The following DIP2C variants were observed in gnomAD, a reference collection of about 807,000 sequenced individuals.
The protein encoded by DIP2C is disco-interacting protein 2 homolog C.
DIP2C carries 33 observed loss-of-function variants against 192.4 expected under a neutral mutation model. The observed-to-expected ratio is 0.17, with a 90% CI of 0.13 to 0.23. DIP2C has a LOEUF of 0.23. Ranked by LOEUF, DIP2C falls within the 10% of genes least tolerant of loss-of-function variation. The probability of loss-of-function intolerance (pLI) is 1.00; values close to 1 mark genes in which losing one functional copy is unlikely to be tolerated. For missense variants in DIP2C, 1,537 were observed against 2,110.1 expected (o/e 0.73, Z 5.32); for synonymous variants, 979 against 864.1 (o/e 1.13, Z -2.33).
At chr10:624,902 G>A (rs1854099765) in intron 1 of DIP2C, among the ~76,000 whole-genome samples, 1 of 152,180 alleles carries the variant, frequency 6.6e-6, no homozygotes, top group South Asian at 2.1e-4. Flanking sequence ...TGGGGACAGA[G>A]GGGTGGGCCC....
chr10:610,943 G>A (rs1031502764), intron 1 of DIP2C, among the ~76,000 whole-genome samples: 15 of 149,706 alleles, frequency 1.0e-4, no homozygotes, highest in East Asian at 7.9e-4. Flanking sequence ...TAACCCCCCC[G>A]TGTTGGAGGT....
At chr10:547,641 C>A (rs1848353970) in intron 1 of DIP2C, among the ~76,000 whole-genome samples, 1 of 152,184 alleles carries the variant, frequency 6.6e-6, no homozygotes, top group Non-Finnish European at 1.5e-5. Context: ...CCGATTTGAT[C>A]TTCACAATAG....
At chr10:661,238 G>A (rs888806077) in intron 1 of DIP2C, among the ~76,000 whole-genome samples, 1 of 152,212 alleles carries the variant, frequency 6.6e-6, no homozygotes, top group Non-Finnish European at 1.5e-5. Context: ...TCCCTGAACA[G>A]AGAGAGAAGA....
At chr10:492,854 T>A (rs951549762) in intron 1 of DIP2C, among the ~76,000 whole-genome samples, 4 of 152,362 alleles carry the variant, frequency 2.6e-5, no homozygotes, top group Middle Eastern at 3.4e-3. Flanking sequence ...TTGTAACACA[T>A]GGATCAAAAG....
In DIP2C at chr10:376,557, CTT is replaced by C. The variant is rs61541768; in HGVS notation, c.1991+6088_1991+6089del. 9.6e-4 allele frequency among the ~76,000 whole-genome samples: 130 copies of C among 135,268 alleles called. 1 individual carries two copies. Among genetic ancestry groups the C allele is most frequent in the African/African-American group, 2.8e-3 (101 of 36,256 alleles). The allele number at this position is 135,268 out of a possible 152,430, so 88.7% of individuals were successfully genotyped here. ...GGCAGCCAGAACCCCGAGGAAGTGT[CTT>C]TTTTTTTTTTTTTTTAAACAGGGCA... is the stretch of plus-strand genomic sequence containing the variant. On this transcript the variant is annotated intron_variant, in intron 17 of 36. Coordinates refer to ENST00000280886, the MANE Select transcript of DIP2C (RefSeq NM_014974.3).
At chr10:356,146 G>A (rs1021496819) in intron 24 of DIP2C, 7 of 557,774 alleles carry the variant, frequency 1.3e-5, no homozygotes, top group Admixed American at 6.2e-5. Context: ...ATAGACTTAC[G>A]ATTTCTCTCT....
intron 1 of DIP2C, among the ~76,000 whole-genome samples, chr10:535,477 T>A (rs891779452): frequency 1.3e-5 from 2 of 152,104 alleles, no homozygotes; most frequent in Non-Finnish European, 2.9e-5. Context: ...TTGGCTGTAA[T>A]CTTTGGTAAT....
At chr10:369,432 G>A (rs1960690731) in intron 18 of DIP2C, 62 bp downstream of exon 18, 13 of 1,472,844 alleles carry the variant, frequency 8.8e-6, no homozygotes, top group South Asian at 1.5e-5. Flanking sequence ...AGGCTTTGGT[G>A]ACATGTGTTA....
chr10:616,011 A>ATT (rs1156852859), intron 1 of DIP2C, among the ~76,000 whole-genome samples: 1 of 152,100 alleles, frequency 6.6e-6, no homozygotes, highest in African/African-American at 2.4e-5. Flanking sequence ...ATTTTTCCAC[A>ATT]TTTATCACCC....
intron 1 of DIP2C, among the ~76,000 whole-genome samples, chr10:596,699 T>C (rs1044559918): frequency 1.4e-4 from 21 of 152,032 alleles, no homozygotes; most frequent in African/African-American, 5.1e-4. Context: ...GGAATCGGCA[T>C]AGGGAACAGA....
intron 1 of DIP2C, among the ~76,000 whole-genome samples, chr10:509,776 G>T (rs888733150): frequency 6.6e-6 from 1 of 151,924 alleles, no homozygotes; most frequent in Non-Finnish European, 1.5e-5. Flanking sequence ...AGAGGACGGG[G>T]CGCCGCAGTC....
Position 568,635 on chromosome 10 carries a change from A to G in DIP2C, c.86-82105T>C, listed in dbSNP as rs1324567825. Among the ~76,000 whole-genome samples the G allele has an allele frequency of 1.4e-4, 22 of 151,858 alleles. No homozygotes were observed. In the East Asian group the frequency reaches 3.5e-3, roughly 24 times the overall value. On this transcript the variant is annotated intron_variant, in intron 1 of 36. Coordinates refer to ENST00000280886, the MANE Select transcript of DIP2C (RefSeq NM_014974.3). Reference sequence around the variant, plus strand: ...ACAAAAATTAGCCAGGCATGGTGGCACGCGCCTGTAGTCCCAGCTACTCGG... The same window carrying G: ...ACAAAAATTAGCCAGGCATGGTGGCGCGCGCCTGTAGTCCCAGCTACTCGG...
At chr10:657,348 G>C (rs867607772) in intron 1 of DIP2C, among the ~76,000 whole-genome samples, 14 of 18,062 alleles carry the variant, frequency 7.8e-4, no homozygotes, top group East Asian at 1.7e-3. Context: ...TGGACCTGCC[G>C]CTGGACCTGC....
chr10:485,668 G>A (rs908417189), intron 2 of DIP2C, among the ~76,000 whole-genome samples: 8 of 152,248 alleles, frequency 5.3e-5, no homozygotes, highest in Non-Finnish European at 8.8e-5. Flanking sequence ...GTGTGGACAT[G>A]TGCATCCTTA....
At chr10:311,624 CCAACACACA>C (rs1343543689) in intron 31 of DIP2C, 16 of 1,218,750 alleles carry the variant, frequency 1.3e-5, no homozygotes, top group South Asian at 8.3e-5. Context: ...ACAACAGAAA[CCAACACACA>C]CAACACACAC....
chr10:657,799 C>A (rs988306094), intron 1 of DIP2C, among the ~76,000 whole-genome samples: 1 of 149,470 alleles, frequency 6.7e-6, no homozygotes, highest in African/African-American at 2.5e-5. Context: ...CTCCCTGGAC[C>A]TGATGCTGGA....
intron 36 of DIP2C, among the ~76,000 whole-genome samples, chr10:277,981 T>G (rs1185416031): frequency 6.6e-6 from 1 of 152,218 alleles, no homozygotes; most frequent in Non-Finnish European, 1.5e-5. Flanking sequence ...CTGTGCCTCC[T>G]GCTTCCAGAC....
intron 31 of DIP2C, chr10:311,663 G>A: frequency 9.8e-7 from 1 of 1,025,190 alleles, no homozygotes; most frequent in Non-Finnish European, 1.2e-6. Context: ...CGACCCGACA[G>A]TGAAAAATGG....
chr10:299,224 G>A (rs1302318334), intron 32 of DIP2C, among the ~76,000 whole-genome samples: 1 of 152,170 alleles, frequency 6.6e-6, no homozygotes, highest in African/African-American at 2.4e-5. Context: ...CTGAGAATAG[G>A]AATACTATCT....
Sources: gnomAD v4.1 joint callset for allele counts (sites outside exome capture counted in the v4.1 genomes callset) on GRCh38, gnomAD v4.1.1 for gene constraint, MANE v1.5 for transcripts, NCBI Gene and HGNC (gene_info 2026-07-23, HGNC 2026-07-21) for gene names.